SSBP3: variants seen among roughly 807,000 people sequenced by gnomAD.
SSBP3 encodes single-stranded DNA-binding protein 3.
Under a neutral mutation model 69.6 loss-of-function variants are expected in SSBP3, and 5 were observed. That is an observed-to-expected ratio of 0.07 (90% CI 0.04 to 0.15). The LOEUF (loss-of-function observed/expected upper bound fraction) is 0.15. Ranked by LOEUF, SSBP3 falls within the 10% of genes least tolerant of loss-of-function variation. The probability of loss-of-function intolerance (pLI) is 1.00; values close to 1 mark genes in which losing one functional copy is unlikely to be tolerated. For synonymous variants in SSBP3, 196 were observed against 193.4 expected (o/e 1.01, Z -0.11); for missense variants, 312 against 534.0 (o/e 0.58, Z 4.10).
At chr1:54,344,673 T>C (rs1646660404) in intron 4 of SSBP3, among the ~76,000 whole-genome samples, 1 of 152,024 alleles carries the variant, frequency 6.6e-6, no homozygotes, top group Non-Finnish European at 1.5e-5. Flanking sequence ...TTTTTTTCTG[T>C]TTTTGTGGGT....
At chr1:54,243,926 GTTTT>G (rs200412407) in intron 9 of SSBP3, among the ~76,000 whole-genome samples, 4 of 151,688 alleles carry the variant, frequency 2.6e-5, no homozygotes, top group Non-Finnish European at 5.9e-5. Context: ...GTGTGTGTGA[GTTTT>G]TTTTTGTTTT....
intron 4 of SSBP3, among the ~76,000 whole-genome samples, chr1:54,391,263 G>T (rs138858432): frequency 3.0e-4 from 46 of 152,312 alleles, no homozygotes; most frequent in African/African-American, 1.1e-3. Flanking sequence ...TGGAGGGGCA[G>T]AAAAAAGCCG....
chr1:54,294,916 T>TC (rs1169480824), intron 4 of SSBP3, among the ~76,000 whole-genome samples: 1 of 151,956 alleles, frequency 6.6e-6, no homozygotes, highest in African/African-American at 2.4e-5. Flanking sequence ...TGCGATACCT[T>TC]CCTCCACTTC....
At chr1:54,265,753 G>T (rs1042157304) in intron 5 of SSBP3, among the ~76,000 whole-genome samples, 1 of 152,194 alleles carries the variant, frequency 6.6e-6, no homozygotes, top group African/African-American at 2.4e-5. Context: ...CAGCCACCAA[G>T]GTCCACTCCT....
intron 4 of SSBP3, among the ~76,000 whole-genome samples, chr1:54,353,042 GC>G (rs1646807098): frequency 6.6e-6 from 1 of 152,116 alleles, no homozygotes; most frequent in Admixed American, 6.5e-5. Context: ...ACCGGACAGC[GC>G]CGTGTCCTCA....
At chr1:54,295,162 G>A (rs1645683295) in intron 4 of SSBP3, among the ~76,000 whole-genome samples, 1 of 152,290 alleles carries the variant, frequency 6.6e-6, no homozygotes, top group South Asian at 2.1e-4. Context: ...CAGAGAGAAG[G>A]GGAGAGCAGA....
At chr1:54,311,134 A>G (rs1645994905) in intron 4 of SSBP3, among the ~76,000 whole-genome samples, 1 of 152,090 alleles carries the variant, frequency 6.6e-6, no homozygotes, top group Admixed American at 6.5e-5. Flanking sequence ...AAGGTGGGGG[A>G]CACATCATGG....
chr1:54,376,868 G>T (rs1230527695), intron 4 of SSBP3, among the ~76,000 whole-genome samples: 1 of 152,180 alleles, frequency 6.6e-6, no homozygotes. Flanking sequence ...AGGCCTAGGG[G>T]TGTGGCTACC....
At chr1:54,338,667 C>T (rs1278714320) in intron 4 of SSBP3, among the ~76,000 whole-genome samples, 1 of 152,182 alleles carries the variant, frequency 6.6e-6, no homozygotes. Flanking sequence ...TCTTCCCAGC[C>T]GAGGCTAAAC....
chr1:54,309,471 C>G (rs891507559), intron 4 of SSBP3, among the ~76,000 whole-genome samples: 3 of 152,214 alleles, frequency 2.0e-5, no homozygotes, highest in Non-Finnish European at 4.4e-5. Flanking sequence ...AAACAGCCAG[C>G]CTTGCTTTGG....
intron 4 of SSBP3, among the ~76,000 whole-genome samples, chr1:54,325,049 C>T (rs537892355): frequency 6.6e-6 from 1 of 152,092 alleles, no homozygotes; most frequent in Non-Finnish European, 1.5e-5. Flanking sequence ...TCTGCTTTGG[C>T]GGGAGAATGG....
chr1:54,370,542 T>C (rs6699595), intron 4 of SSBP3, among the ~76,000 whole-genome samples: 74,335 of 151,966 alleles, frequency 0.49, 19,878 homozygotes, highest in African/African-American at 0.71. Flanking sequence ...ATTTTTACTC[T>C]TTGCTTCATC....
intron 14 of SSBP3, among the ~76,000 whole-genome samples, chr1:54,235,443 G>C (rs1212310699): frequency 7.5e-6 from 1 of 132,558 alleles, no homozygotes. Context: ...CACCATGCCC[G>C]GCTGATTTTT....
chr1:54,402,003 G>A, intron 3 of SSBP3, 58 bp from the exon 4 acceptor site: 1 of 1,477,280 alleles, frequency 6.8e-7, no homozygotes, highest in Admixed American at 1.7e-5. Flanking sequence ...TGTACACAAG[G>A]GCAAGTGCAC....
intron 4 of SSBP3, among the ~76,000 whole-genome samples, chr1:54,350,632 T>A (rs1158452439): frequency 6.6e-6 from 1 of 152,140 alleles, no homozygotes; most frequent in Non-Finnish European, 1.5e-5. Context: ...AGCACTCCAA[T>A]CAACTACTAC....
At chr1:54,398,201 G>A (rs1054790725) in intron 4 of SSBP3, among the ~76,000 whole-genome samples, 4 of 152,214 alleles carry the variant, frequency 2.6e-5, no homozygotes, top group African/African-American at 9.6e-5. Context: ...TCTGTAAAAT[G>A]GGAGTGAGAT....
intron 4 of SSBP3, among the ~76,000 whole-genome samples, chr1:54,347,836 A>G (rs778638736): frequency 2.6e-5 from 4 of 152,250 alleles, no homozygotes; most frequent in Non-Finnish European, 5.9e-5. Flanking sequence ...TTCAGAGGGC[A>G]TGGCCCTGCG....
chr1:54,338,205 C>T (rs1482168208), intron 4 of SSBP3, among the ~76,000 whole-genome samples: 1 of 152,240 alleles, frequency 6.6e-6, no homozygotes, highest in Non-Finnish European at 1.5e-5. Flanking sequence ...TTCACAGCCT[C>T]GGTGCCCCTA....
chr1:54,280,505 T>C (rs1645370662), intron 5 of SSBP3, among the ~76,000 whole-genome samples: 1 of 152,206 alleles, frequency 6.6e-6, no homozygotes. Context: ...TCCATGTTCT[T>C]ATCTGGGAGT....
Sources: gnomAD v4.1 joint callset for allele counts (sites outside exome capture counted in the v4.1 genomes callset) on GRCh38, gnomAD v4.1.1 for gene constraint, MANE v1.5 for transcripts, NCBI Gene and HGNC (gene_info 2026-07-23, HGNC 2026-07-21) for gene names.